POLR3A: variants seen among roughly 807,000 people sequenced by gnomAD.
POLR3A encodes DNA-directed RNA polymerase III subunit RPC1.
Under a neutral mutation model 152.8 loss-of-function variants are expected in POLR3A, and 112 were observed. That is an observed-to-expected ratio of 0.73 (90% CI 0.63 to 0.86). POLR3A has a LOEUF of 0.86. Among genes scored for constraint, POLR3A ranks in the 40% least tolerant of loss-of-function variants. The pLI, the probability that POLR3A is intolerant of heterozygous loss-of-function variation, is 0.00. For synonymous variants in POLR3A, 615 were observed against 652.1 expected (o/e 0.94, Z 0.87); for missense variants, 1,385 against 1,743.1 (o/e 0.79, Z 3.66).
chr10:78,001,159 G>A, intron 17 of POLR3A, 65 bp from the exon 18 acceptor site: 1 of 866,746 alleles, frequency 1.2e-6, no homozygotes, highest in East Asian at 2.5e-5. Context: ...AGTGCATGCA[G>A]ATTGGAAGGG....
Position 78,009,976 on chromosome 10 carries a change from G to A in POLR3A, c.1658C>T (p.Thr553Ile), listed in dbSNP as rs1847450791. 1 of 1,614,074 alleles carries A rather than the reference G, an allele frequency of 6.2e-7. No homozygotes were observed. The highest frequency in any genetic ancestry group is 8.5e-7 in the Non-Finnish European group (1 of 1,179,948). The change falls in exon 13 of 31, where the codon ACT becomes ATT. Residue 553 changes from threonine (T) to isoleucine (I), a missense_variant. Around this residue, in one of 7 missense-constraint regions of POLR3A, gnomAD observed 188 missense variants for 179.9 expected, o/e 1.04. Transcript: ENST00000372371. ...TCGATCAAAGAAAGTGTCCTTGAGA[G>A]TGAGGAGATAGGCACCTAAGCATTA... ...QDFLTGAYLL[T>I]LKDTFFDRAK... is the part of the protein sequence containing the mutation.
intron 19 of POLR3A, among the ~76,000 whole-genome samples, chr10:77,999,372 G>GGCAAAAAGACATCTT (rs1847333036): frequency 1.3e-5 from 2 of 152,122 alleles, no homozygotes; most frequent in African/African-American, 4.8e-5. Flanking sequence ...TCTTTTGCCT[G>GGCAAAAAGACATCTT]TGGTCTTATG....
intron 16 of POLR3A, among the ~76,000 whole-genome samples, chr10:78,002,858 A>G (rs1224542979): frequency 1.3e-5 from 2 of 152,170 alleles, no homozygotes; most frequent in African/African-American, 4.8e-5. Flanking sequence ...AATCCTTTAA[A>G]TGGCCCATAA....
chr10:78,021,436 G>A, intron 8 of POLR3A, 110 bp downstream of exon 8: 2 of 1,035,848 alleles, frequency 1.9e-6, no homozygotes, highest in South Asian at 2.6e-5. Context: ...CCAAACTGTG[G>A]GTTGAGTGGG....
chr10:78,001,235 C>T (rs1011470191), intron 17 of POLR3A, 141 bp from the exon 18 acceptor site: 11 of 606,244 alleles, frequency 1.8e-5, no homozygotes, highest in African/African-American at 1.5e-4. Context: ...GACAGAAATA[C>T]AATCAAGACA....
rs1332768741 is a variant in POLR3A at position 78,022,032 on chromosome 10, G to C, written c.886-10C>G. On this transcript the variant is annotated splice_polypyrimidine_tract_variant and intron_variant, in intron 6 of 30. Transcript: ENST00000372371. ...CTCCTGAGATCCGATGCTAAAACCA[G>C]CACAGCCCAAACAGAAACAAACCTG... 1.2e-6 allele frequency: 2 copies of C among 1,614,030 alleles called. No individual in the cohort carries two copies. Among genetic ancestry groups the C allele is most frequent in the African/African-American group, 2.7e-5 (2 of 74,912 alleles).
intron 8 of POLR3A, chr10:78,019,669 A>C (rs906430855): frequency 3.6e-6 from 1 of 275,884 alleles, no homozygotes; most frequent in African/African-American, 2.2e-5. Flanking sequence ...TCTGCATTGA[A>C]TGTGTTCTGG....
chr10:78,025,640 T>C lies in POLR3A; in HGVS notation c.300A>G (p.Ala100=), dbSNP rs566145273. ...TGCTTACCTGTAAGATGCCTATGAC[T>C]GCTCTGAAGTACCCTACATGAAAAC... ...LPCFHVGYFR[A]VIGILQMICK... The change falls in exon 3 of 31, where the codon GCA becomes GCG. Residue 100 remains alanine, a synonymous_variant. Coordinates refer to ENST00000372371, the MANE Select transcript of POLR3A (RefSeq NM_007055.4). The C allele has an allele frequency of 6.2e-7, 1 of 1,614,180 alleles. No homozygotes were observed. The highest frequency in any genetic ancestry group is 1.7e-5 in the Admixed American group (1 of 60,010).
intron 29 of POLR3A, 129 bp downstream of exon 29, chr10:77,981,299 A>T: frequency 1.1e-6 from 1 of 952,216 alleles, no homozygotes; most frequent in Non-Finnish European, 1.7e-6. Context: ...CAATGTTCAC[A>T]TCTTATTTTC....
chr10:78,013,144 A>C (rs1847482969), intron 11 of POLR3A: 1 of 188,670 alleles, frequency 5.3e-6, no homozygotes, highest in African/African-American at 2.4e-5. Flanking sequence ...TGGTGGTAAG[A>C]GTTATTATCA....
At chr10:77,982,443 G>A (rs1847156123) in intron 27 of POLR3A, 125 bp from the exon 28 acceptor site, 1 of 1,030,526 alleles carries the variant, frequency 9.7e-7, no homozygotes, top group African/African-American at 1.6e-5. Flanking sequence ...TTAGGGATAA[G>A]GGAGAACAGA....
At chr10:77,988,471 G>A (rs1000216070) in intron 21 of POLR3A, among the ~76,000 whole-genome samples, 4 of 151,942 alleles carry the variant, frequency 2.6e-5, no homozygotes, top group African/African-American at 9.7e-5. Context: ...GCAGTGAGCC[G>A]AGATTGTGAG....
intron 10 of POLR3A, among the ~76,000 whole-genome samples, chr10:78,014,509 C>T (rs111614595): frequency 0.014 from 2,105 of 152,046 alleles, 47 homozygotes; most frequent in African/African-American, 0.046. Context: ...CTCTGTCTCC[C>T]GGGTTCAAGC....
At position 78,007,882 on chromosome 10, in the gene POLR3A, T is replaced by C. The variant is rs749819653; in HGVS notation, c.1910-16A>G. The stretch of plus-strand genomic sequence containing the variant: ...ATTGTAACATCTGGAAGAATGATTA[T>C]ATATTTAGACAACAATTATTTATTA... On this transcript the variant is annotated splice_polypyrimidine_tract_variant and intron_variant, in intron 14 of 30. Transcript: ENST00000372371. 1.2e-6 allele frequency: 2 copies of C among 1,606,014 alleles called. No individual in the cohort carries two copies. Among genetic ancestry groups the C allele is most frequent in the African/African-American group, 1.3e-5 (1 of 74,738 alleles).
intron 2 of POLR3A, 59 bp from the exon 3 acceptor site, chr10:78,025,818 A>T: frequency 6.6e-7 from 1 of 1,520,390 alleles, no homozygotes; most frequent in East Asian, 2.3e-5. Context: ...AAGAGTGCCC[A>T]GCCATCATGC....
chr10:77,981,589 G>A, intron 28 of POLR3A, 30 bp from the exon 29 acceptor site: 1 of 1,613,274 alleles, frequency 6.2e-7, no homozygotes, highest in Non-Finnish European at 8.5e-7. Context: ...AGCAGAAGCA[G>A]CCCCTTCCGG....
At chr10:78,022,896 G>A (rs1045264767) in intron 5 of POLR3A, among the ~76,000 whole-genome samples, 1 of 152,212 alleles carries the variant, frequency 6.6e-6, no homozygotes, top group African/African-American at 2.4e-5. Flanking sequence ...AGTGGCTCAT[G>A]CCTGTAATCT....
chr10:78,013,919 T>G (rs1156815178), intron 10 of POLR3A, 129 bp from the exon 11 acceptor site: 4 of 1,058,842 alleles, frequency 3.8e-6, no homozygotes, highest in Non-Finnish European at 4.3e-6. Flanking sequence ...AGATTTCCAG[T>G]ATGTTCTGTC....
At chr10:77,996,197 C>T (rs144476250) in intron 19 of POLR3A, among the ~76,000 whole-genome samples, 1 of 151,950 alleles carries the variant, frequency 6.6e-6, no homozygotes, top group Non-Finnish European at 1.5e-5. Flanking sequence ...TAAATGCCCA[C>T]AAGAGAAAGC....
Sources: allele counts gnomAD v4.1 joint callset (sites outside exome capture counted in the v4.1 genomes callset), GRCh38; gene constraint gnomAD v4.1.1; regional missense constraint gnomAD v4.1.1; transcripts MANE v1.5; gene names NCBI Gene and HGNC (gene_info 2026-07-23, HGNC 2026-07-21).